The following TENM4 variants were observed in gnomAD, a reference collection of about 807,000 sequenced individuals.
The protein encoded by TENM4 is teneurin transmembrane protein 4.
A neutral mutation model predicts 243.3 loss-of-function variants in TENM4; 82 were observed. The observed-to-expected ratio is 0.34, with a 90% confidence interval of 0.28 to 0.40. The LOEUF (loss-of-function observed/expected upper bound fraction) is 0.40, where lower values mean the gene tolerates loss of function less well. Ranked by LOEUF, TENM4 falls within the 10% of genes least tolerant of loss-of-function variation. TENM4 has a pLI of 1.00. For synonymous variants in TENM4, 1,412 were observed against 1,456.3 expected (o/e 0.97, Z 0.69); for missense variants, 3,138 against 3,673.3 (o/e 0.85, Z 3.77).
chr11:79,434,293 A>G (rs905196495), intron 1 of TENM4, among the ~76,000 whole-genome samples: 27 of 152,212 alleles, frequency 1.8e-4, no homozygotes, highest in African/African-American at 6.0e-4. Flanking sequence ...GTAAAATGCC[A>G]TACAGCAGGT....
chr11:78,741,871 T>G (rs1472925332), intron 19 of TENM4, among the ~76,000 whole-genome samples: 1 of 152,216 alleles, frequency 6.6e-6, no homozygotes, highest in Non-Finnish European at 1.5e-5. Flanking sequence ...TGTCACCGAC[T>G]TGGCTTCCCA....
intron 2 of TENM4, among the ~76,000 whole-genome samples, chr11:79,234,081 T>C (rs952585575): frequency 6.6e-5 from 10 of 152,212 alleles, no homozygotes; most frequent in Admixed American, 5.2e-4. Flanking sequence ...CAAGTAGACT[T>C]GGGCAAGTCC....
chr11:79,172,056 A>T (rs2508317), intron 3 of TENM4, among the ~76,000 whole-genome samples: 37,016 of 152,106 alleles, frequency 0.24, 5,151 homozygotes, highest in Non-Finnish European at 0.31. Flanking sequence ...GACTTAAGGG[A>T]TCCTTTCACC....
intron 6 of TENM4, among the ~76,000 whole-genome samples, chr11:79,014,311 C>T (rs1160073171): frequency 2.0e-5 from 3 of 152,192 alleles, no homozygotes; most frequent in African/African-American, 4.8e-5. Flanking sequence ...CCCACACCTC[C>T]CTGGTGATAG....
At chr11:79,298,304 A>C (rs369245829) in intron 1 of TENM4, among the ~76,000 whole-genome samples, 17 of 152,092 alleles carry the variant, frequency 1.1e-4, no homozygotes, top group East Asian at 3.9e-4. Flanking sequence ...TCATGAGGTC[A>C]GGAGATCGAG....
In TENM4 at chr11:79,350,428, C is replaced by CTT. The variant is rs71278671; in HGVS notation, c.-320-52887_-320-52886dup. On this transcript the variant is annotated intron_variant, in intron 1 of 33. Transcript: ENST00000278550. ...AGCCCTCTTTATTTTCCTTTCTTGG[C>CTT]TTTTTTTTTTTTTTTTCCTGAGACA... Among the ~76,000 whole-genome samples, 511 of 134,460 alleles carry CTT rather than the reference C, an allele frequency of 3.8e-3. 4 individuals are homozygous for CTT. The highest frequency in any genetic ancestry group is 0.011 in the Middle Eastern group (3 of 264). The allele number at this position is 134,460 out of a possible 152,430, so 88.2% of individuals were successfully genotyped here. A position where few individuals can be genotyped will look rare whatever the true frequency, so the allele number is the denominator to read the frequency against.
intron 3 of TENM4, among the ~76,000 whole-genome samples, chr11:79,154,376 G>T (rs1160526037): frequency 6.6e-6 from 1 of 152,076 alleles, no homozygotes; most frequent in Non-Finnish European, 1.5e-5. Flanking sequence ...TTACCATGAA[G>T]AGAGCACCAA....
intron 1 of TENM4, among the ~76,000 whole-genome samples, chr11:79,311,153 G>C (rs1382537664): frequency 6.6e-6 from 1 of 152,128 alleles, no homozygotes. Context: ...TGTACATAGG[G>C]CATTTCTAGC....
intron 3 of TENM4, among the ~76,000 whole-genome samples, chr11:79,188,689 A>G (rs375220013): frequency 6.7e-6 from 1 of 150,100 alleles, no homozygotes; most frequent in African/African-American, 2.5e-5. Flanking sequence ...AGAGGAGAAA[A>G]GAGAGAGAGG....
intron 16 of TENM4, among the ~76,000 whole-genome samples, chr11:78,783,227 C>A (rs1167853969): frequency 6.6e-6 from 1 of 152,120 alleles, no homozygotes; most frequent in Non-Finnish European, 1.5e-5. Flanking sequence ...AGGTCAAGCA[C>A]CAGACTTCAT....
At chr11:78,984,150 G>A (rs1270349841) in intron 6 of TENM4, among the ~76,000 whole-genome samples, 4 of 152,122 alleles carry the variant, frequency 2.6e-5, no homozygotes, top group Admixed American at 2.0e-4. Flanking sequence ...CCATCTCTGC[G>A]TCTTACTTTG....
chr11:79,013,224 C>G (rs1241865416), intron 6 of TENM4, among the ~76,000 whole-genome samples: 1 of 152,156 alleles, frequency 6.6e-6, no homozygotes, highest in African/African-American at 2.4e-5. Flanking sequence ...TTCACCAACA[C>G]CAGCCACCAG....
intron 2 of TENM4, among the ~76,000 whole-genome samples, chr11:79,234,508 C>T (rs1864428573): frequency 6.6e-6 from 1 of 152,158 alleles, no homozygotes; most frequent in Admixed American, 6.5e-5. Flanking sequence ...AACCTCTGTA[C>T]CAAGGGCTGC....
At chr11:79,157,689 T>G (rs1377967392) in intron 3 of TENM4, among the ~76,000 whole-genome samples, 4 of 152,186 alleles carry the variant, frequency 2.6e-5, no homozygotes, top group African/African-American at 9.6e-5. Flanking sequence ...TCTACTCCTC[T>G]TCTAAGGCCT....
intron 4 of TENM4, among the ~76,000 whole-genome samples, chr11:79,128,105 C>A (rs1194285522): frequency 6.6e-6 from 1 of 152,174 alleles, no homozygotes; most frequent in African/African-American, 2.4e-5. Context: ...CCCAGCAGAT[C>A]CAATGGTGCT....
At chr11:79,413,042 G>A (rs886206165) in intron 1 of TENM4, among the ~76,000 whole-genome samples, 3 of 152,232 alleles carry the variant, frequency 2.0e-5, no homozygotes, top group Admixed American at 2.0e-4. Context: ...TCCTAATGAT[G>A]TGGTAATAAC....
intron 6 of TENM4, among the ~76,000 whole-genome samples, chr11:79,036,292 G>C (rs1429180876): frequency 6.6e-6 from 1 of 152,236 alleles, no homozygotes; most frequent in African/African-American, 2.4e-5. Flanking sequence ...TCCACGATGA[G>C]TGTTGTTCCT....
intron 1 of TENM4, among the ~76,000 whole-genome samples, chr11:79,387,527 T>C (rs1178681920): frequency 6.6e-6 from 1 of 152,232 alleles, no homozygotes; most frequent in East Asian, 1.9e-4. Flanking sequence ...ACCACATATA[T>C]TGCAAGGTTG....
At chr11:79,384,809 C>A (rs893972796) in intron 1 of TENM4, among the ~76,000 whole-genome samples, 2 of 151,790 alleles carry the variant, frequency 1.3e-5, no homozygotes, top group Non-Finnish European at 2.9e-5. Context: ...GCCTATAATC[C>A]AAGCTACTCG....
Sources: gnomAD v4.1 joint callset for allele counts (sites outside exome capture counted in the v4.1 genomes callset) on GRCh38, gnomAD v4.1.1 for gene constraint, MANE v1.5 for transcripts, NCBI Gene and HGNC (gene_info 2026-07-23, HGNC 2026-07-21) for gene names.